Variants in LMF1 observed in about 807,000 individuals in gnomAD.
LMF1 encodes transmembrane protein 112.
LMF1 carries 68 observed loss-of-function variants against 60.6 expected under a neutral mutation model. The ratio of observed to expected loss-of-function variants is 1.12; its 90% CI spans 0.92 to 1.37. LMF1 has a LOEUF of 1.37. Ranked by LOEUF, LMF1 falls within the 40% of genes most tolerant of loss-of-function variation. LMF1 has a pLI of 0.00. For synonymous variants in LMF1, 418 were observed against 324.7 expected (o/e 1.29, Z -3.09); for missense variants, 948 against 767.2 (o/e 1.24, Z -2.78).
chr16:912,295 T>A (rs907277026), intron 3 of LMF1, among the ~76,000 whole-genome samples: 2 of 151,002 alleles, frequency 1.3e-5, no homozygotes, highest in Non-Finnish European at 3.0e-5. Context: ...CGGAGGCTTG[T>A]GGGGGCAGTG....
Position 879,600 on chromosome 16 carries a change from G to C in LMF1, c.867C>G (p.Ile289Met). Residue 289 changes from isoleucine (I) to methionine (M), a missense_variant, in exon 6 of 11, where the codon ATC becomes ATG. By Grantham distance (10) the Ile-to-Met change is conservative (BLOSUM62 1). Transcript: ENST00000262301. Reference sequence around the variant, plus strand: ...ACAGGATCTGCAGCACCCCGTGGATGATGCACGCCCGCCGGCCGAGGAAGA... The same window carrying C: ...ACAGGATCTGCAGCACCCCGTGGATCATGCACGCCCGCCGGCCGAGGAAGA... ...FFLFLGRRAC[I>M]IHGVLQILFQ... 6.2e-7 allele frequency: 1 copy of C among 1,613,198 alleles called. No individual in the cohort carries two copies. Among genetic ancestry groups the C allele is most frequent in the Non-Finnish European group, 8.5e-7 (1 of 1,179,750 alleles).
intron 4 of LMF1, among the ~76,000 whole-genome samples, chr16:895,196 G>A (rs1036719655): frequency 4.9e-4 from 75 of 152,132 alleles, no homozygotes; most frequent in Admixed American, 1.0e-3. Flanking sequence ...TCCAGAGCAG[G>A]GGCCGGAGCT....
chr16:910,114 G>A (rs1309955759), intron 4 of LMF1, among the ~76,000 whole-genome samples: 1 of 152,240 alleles, frequency 6.6e-6, no homozygotes, highest in Non-Finnish European at 1.5e-5. Flanking sequence ...GAGCAGGTGA[G>A]AGCTGCGTAG....
At chr16:889,542 C>T (rs950235051) in intron 5 of LMF1, among the ~76,000 whole-genome samples, 16 of 152,142 alleles carry the variant, frequency 1.1e-4, no homozygotes, top group Non-Finnish European at 8.8e-5. Context: ...CTGAAACTTC[C>T]GGAGGTTTTC....
chr16:968,623 G>C (rs532202326), intron 1 of LMF1: 2 of 152,292 alleles, frequency 1.3e-5, no homozygotes, highest in South Asian at 2.1e-4. Flanking sequence ...ATGGGAAACT[G>C]GTTCCTTGAT....
intron 2 of LMF1, among the ~76,000 whole-genome samples, chr16:937,844 C>T (rs1345792647): frequency 6.6e-6 from 1 of 152,166 alleles, no homozygotes; most frequent in East Asian, 1.9e-4. Context: ...GGAGGCCTAT[C>T]TAGAGTGTGT....
chr16:869,846 A>G, intron 9 of LMF1, 37 bp downstream of exon 9: 1 of 1,591,862 alleles, frequency 6.3e-7, no homozygotes. Flanking sequence ...GGTGGGGTAC[A>G]GGCAGGTCCA....
In LMF1 at chr16:897,428, G is replaced by A. The variant is rs1445969776; in HGVS notation, c.664-4356C>T. On this transcript the variant is annotated intron_variant, in intron 4 of 10. Transcript: ENST00000262301. This position sits in a 1 kb window ranked among gnomAD's most constrained non-coding sequence, Gnocchi z 4.3. ...AGGGGGCGCCGCCAGGCCTCCCTCC[G>A]AGCCACAACCTCCTCCATCCTTCTG... is the stretch of plus-strand genomic sequence containing the variant. Among the ~76,000 whole-genome samples, 6 of 152,160 alleles carry A rather than the reference G, an allele frequency of 3.9e-5. No individual in the cohort carries two copies. Among genetic ancestry groups the A allele is most frequent in the Admixed American group, 2.6e-4 (4 of 15,274 alleles).
chr16:872,156 G>A (rs1049755898), intron 6 of LMF1: 6 of 152,222 alleles, frequency 3.9e-5, no homozygotes, highest in African/African-American at 1.4e-4. Flanking sequence ...GGAGACAGGG[G>A]CAGCTTGCGT....
rs3751666 is a variant in LMF1 at position 954,694 on chromosome 16, A to G, written c.194-28T>C. ...GGAAGAAAAAGAAGACAAAACAAGCATGACTAGGAACAAACCACATGTGGA... is the reference window on the plus strand; with the variant it reads ...GGAAGAAAAAGAAGACAAAACAAGCGTGACTAGGAACAAACCACATGTGGA... On this transcript the variant is annotated intron_variant, in intron 1 of 10. Coordinates refer to ENST00000262301, the MANE Select transcript of LMF1 (RefSeq NM_022773.4). 640,145 of 1,559,114 alleles carry G rather than the reference A, an allele frequency of 0.41. 138,846 individuals carry two copies. The highest frequency in any genetic ancestry group is 0.75 in the African/African-American group (55,391 of 73,656).
intron 3 of LMF1, among the ~76,000 whole-genome samples, chr16:929,990 G>A (rs910095176): frequency 6.6e-6 from 1 of 150,898 alleles, no homozygotes; most frequent in Non-Finnish European, 1.5e-5. Flanking sequence ...AGGACCCTGG[G>A]ACACAGAGCC....
intron 10 of LMF1, among the ~76,000 whole-genome samples, chr16:859,294 A>C (rs74207279): frequency 5.9e-5 from 3 of 51,156 alleles, no homozygotes; most frequent in Non-Finnish European, 3.2e-5. Flanking sequence ...GACGGGTGTG[A>C]GTGGTGTCTC....
intron 1 of LMF1, chr16:980,617 G>A (rs2073323341): frequency 6.6e-6 from 1 of 152,204 alleles, no homozygotes; most frequent in South Asian, 2.1e-4. Flanking sequence ...GACCCGGAAT[G>A]GCGCAGCCCC....
intron 1 of LMF1, chr16:976,904 G>A (rs1178755918): frequency 6.6e-6 from 3 of 454,150 alleles, no homozygotes; most frequent in East Asian, 7.0e-5. Context: ...CGCCAGCGCG[G>A]GTTCACGGAT....
chr16:966,336 C>T (rs1416905678), intron 1 of LMF1, among the ~76,000 whole-genome samples: 3 of 152,206 alleles, frequency 2.0e-5, no homozygotes, highest in Admixed American at 6.5e-5. Flanking sequence ...CCTGTGCAGG[C>T]GCCGAGCAGC....
Position 928,186 on chromosome 16 carries a change from C to T in LMF1, c.514+6058G>A, listed in dbSNP as rs976751496. Among the ~76,000 whole-genome samples, 12 of 152,212 alleles carry T rather than the reference C, an allele frequency of 7.9e-5. No individual in the cohort carries two copies. In the South Asian group the frequency reaches 1.9e-3, roughly 24 times the overall value. On this transcript the variant is annotated intron_variant, in intron 3 of 10. Coordinates refer to ENST00000262301, the MANE Select transcript of LMF1 (RefSeq NM_022773.4). ...GCTGCTGAGATTCATTCCTCGCACC[C>T]GCTACGTGGATGGGCCCCCCCAGCC...
chr16:896,654 T>C (rs12599923), intron 4 of LMF1, among the ~76,000 whole-genome samples: 5,588 of 152,094 alleles, frequency 0.037, 160 homozygotes, highest in East Asian at 0.1. Flanking sequence ...TCTGATGAAA[T>C]GCACGGCTCC....
chr16:922,721 G>C (rs111873776), intron 3 of LMF1, among the ~76,000 whole-genome samples: 8 of 129,876 alleles, frequency 6.2e-5, no homozygotes, highest in South Asian at 2.8e-4. Context: ...AAAGTCGCCT[G>C]GGTTTTCGGG....
In LMF1 at chr16:954,514, G is replaced by C. The variant is rs2072619182; in HGVS notation, c.346C>G (p.Leu116Val). The C allele has an allele frequency of 2.5e-6, 4 of 1,612,894 alleles. No individual in the cohort carries two copies. The South Asian group carries it at 4.4e-5, about 18-fold the overall frequency. ...GAGTTCATGTCTGACCAGTCCATCA[G>C]CCAGAGGATGGTGGGCATGTAGCTG... ...VFSYMPTILWLMDWSDMNSNL... is the reference protein window; with the variant it reads ...VFSYMPTILWVMDWSDMNSNL... The change falls in exon 2 of 11, where the codon CTG (leucine) becomes GTG (valine). Residue 116 changes from leucine to valine, a missense_variant. By Grantham distance (32) the Leu-to-Val change is conservative. Coordinates refer to ENST00000262301, the MANE Select transcript of LMF1 (RefSeq NM_022773.4).
Sources: gnomAD v4.1 joint callset for allele counts (sites outside exome capture counted in the v4.1 genomes callset) on GRCh38, gnomAD v4.1.1 for gene constraint, Gnocchi (gnomAD v3.1) non-coding constraint, MANE v1.5 for transcripts, NCBI Gene and HGNC (gene_info 2026-07-23, HGNC 2026-07-21) for gene names.